IMMP2L: variants seen among roughly 807,000 people sequenced by gnomAD.
IMMP2L encodes the protein mitochondrial inner membrane protease subunit 2.
A neutral mutation model predicts 19.3 loss-of-function variants in IMMP2L; 18 were observed. The ratio of observed to expected loss-of-function variants is 0.93; its 90% CI spans 0.64 to 1.38. The LOEUF is 1.38. Ranked by LOEUF, IMMP2L falls within the 40% of genes most tolerant of loss-of-function variation. The pLI, the probability that IMMP2L is intolerant of heterozygous loss-of-function variation, is 0.00. For synonymous variants in IMMP2L, 76 were observed against 73.0 expected (o/e 1.04, Z -0.21); for missense variants, 233 against 218.2 (o/e 1.07, Z -0.43).
At chr7:111,529,045 G>C (rs960913730) in intron 1 of IMMP2L, among the ~76,000 whole-genome samples, 1 of 152,148 alleles carries the variant, frequency 6.6e-6, no homozygotes, top group Non-Finnish European at 1.5e-5. Context: ...TCTCCACGTA[G>C]AGTTTGCATT....
rs546839575 is a variant in IMMP2L, at chr7:110,777,061, T to C, written c.408+109532A>G. Among the ~76,000 whole-genome samples, 46 of 152,096 alleles carry C rather than the reference T, an allele frequency of 3.0e-4. No individual in the cohort carries two copies. In the South Asian group the frequency reaches 8.9e-3, roughly 29 times the overall value. On this transcript the variant is annotated intron_variant, in intron 5 of 5. Coordinates refer to ENST00000405709, the MANE Select transcript of IMMP2L (RefSeq NM_032549.4). ...TTTGACAGCAGCTCTGTGTTAAACA[T>C]AAGGAAGGTGTGGGAGGATAAAAGT...
chr7:110,996,374 C>T (rs763081003), intron 3 of IMMP2L, among the ~76,000 whole-genome samples: 1 of 151,866 alleles, frequency 6.6e-6, no homozygotes, highest in African/African-American at 2.4e-5. Flanking sequence ...GCAGAGAGAA[C>T]GAGAGGGGGG....
intron 5 of IMMP2L, among the ~76,000 whole-genome samples, chr7:110,669,085 G>GTATATATATA (rs1791696382): frequency 9.6e-6 from 1 of 103,788 alleles, no homozygotes; most frequent in Non-Finnish European, 1.8e-5. Context: ...GTGTGTGTGT[G>GTATATATATA]TGTGTATATG....
intron 3 of IMMP2L, among the ~76,000 whole-genome samples, chr7:111,412,375 G>A (rs1325454265): frequency 4.0e-5 from 6 of 151,662 alleles, no homozygotes; most frequent in African/African-American, 9.7e-5. Context: ...GCTAATGCAC[G>A]TAAAAAAATT....
At chr7:111,314,941 C>A (rs1823893910) in intron 3 of IMMP2L, among the ~76,000 whole-genome samples, 1 of 151,898 alleles carries the variant, frequency 6.6e-6, no homozygotes, top group Non-Finnish European at 1.5e-5. Flanking sequence ...GAAAATCTAC[C>A]CTTTTAATAT....
intron 3 of IMMP2L, among the ~76,000 whole-genome samples, chr7:111,005,299 A>C (rs1332918071): frequency 6.6e-6 from 1 of 152,196 alleles, no homozygotes; most frequent in Admixed American, 6.6e-5. Flanking sequence ...CTATAGGAGA[A>C]AATAATAGAA....
chr7:111,369,804 T>C (rs1402860954), intron 3 of IMMP2L, among the ~76,000 whole-genome samples: 1 of 151,954 alleles, frequency 6.6e-6, no homozygotes, highest in African/African-American at 2.4e-5. Flanking sequence ...AGATATACTA[T>C]TTGTTACCAC....
At chr7:111,026,591 A>G (rs1333606720) in intron 3 of IMMP2L, among the ~76,000 whole-genome samples, 1 of 152,144 alleles carries the variant, frequency 6.6e-6, no homozygotes, top group Non-Finnish European at 1.5e-5. Context: ...TCCAACACCA[A>G]TGTACTTGAA....
intron 3 of IMMP2L, among the ~76,000 whole-genome samples, chr7:111,486,225 G>C (rs1025127972): frequency 2.0e-5 from 3 of 152,142 alleles, no homozygotes; most frequent in African/African-American, 7.2e-5. Flanking sequence ...TGGTTAATAT[G>C]TTTTCAAATG....
At chr7:111,319,472 T>A (rs1466718895) in intron 3 of IMMP2L, among the ~76,000 whole-genome samples, 2 of 152,144 alleles carry the variant, frequency 1.3e-5, no homozygotes, top group East Asian at 3.9e-4. Flanking sequence ...GCTGGTGAGA[T>A]GGTGGGAAGA....
rs527881541 is a variant in IMMP2L, at chr7:111,218,002, G to A, written c.240-254437C>T. On this transcript the variant is annotated intron_variant, in intron 3 of 5. Coordinates refer to ENST00000405709, the MANE Select transcript of IMMP2L (RefSeq NM_032549.4). ...TTTTCTTTTCAAAATAATGAGCTAC[G>A]GAAAATGCTATTGCCTTTTTGTGCT... 2.6e-5 allele frequency among the ~76,000 whole-genome samples: 4 copies of A among 152,000 alleles called. No homozygotes were observed. In the South Asian group the frequency reaches 6.2e-4, roughly 24 times the overall value.
chr7:111,094,547 A>G (rs1797205806), intron 3 of IMMP2L, among the ~76,000 whole-genome samples: 1 of 152,248 alleles, frequency 6.6e-6, no homozygotes, highest in Middle Eastern at 3.4e-3. Context: ...ATGAAACTAA[A>G]TAAAGCAGGT....
At chr7:110,834,821 T>C (rs1245337498) in intron 5 of IMMP2L, among the ~76,000 whole-genome samples, 1 of 152,194 alleles carries the variant, frequency 6.6e-6, no homozygotes, top group Non-Finnish European at 1.5e-5. Flanking sequence ...GAGATTACAG[T>C]TGGCAGTAGT....
chr7:111,321,377 A>G (rs2130496735), intron 3 of IMMP2L, among the ~76,000 whole-genome samples: 1 of 152,114 alleles, frequency 6.6e-6, no homozygotes, highest in African/African-American at 2.4e-5. Flanking sequence ...AAATGACAAT[A>G]ATTATAAAGA....
intron 2 of IMMP2L, among the ~76,000 whole-genome samples, chr7:111,498,066 T>G (rs1843762305): frequency 6.6e-6 from 1 of 152,010 alleles, no homozygotes; most frequent in Non-Finnish European, 1.5e-5. Flanking sequence ...CATCTGATTT[T>G]TATATCCTCT....
At chr7:111,322,188 T>G (rs1199587575) in intron 3 of IMMP2L, among the ~76,000 whole-genome samples, 1 of 151,940 alleles carries the variant, frequency 6.6e-6, no homozygotes, top group Non-Finnish European at 1.5e-5. Flanking sequence ...ACATAGCCAC[T>G]ATAAGACTTG....
At position 111,123,286 on chromosome 7, in the gene IMMP2L, A is replaced by C; in HGVS notation, c.240-159721T>G. The C allele has an allele frequency of 1.2e-6, 2 of 1,613,782 alleles. No individual in the cohort carries two copies. The highest frequency in any genetic ancestry group is 1.7e-6 in the Non-Finnish European group (2 of 1,179,902). ...ACATAATCTTCTTCGACTTCATCTC[A>C]ATTCAAATAGATTGCAGATGATCAA... On this transcript the variant is annotated intron_variant, in intron 3 of 5. Transcript: ENST00000405709. The surrounding 1 kb of genome is among the most constrained non-coding windows in gnomAD (Gnocchi z 6.4).
chr7:110,947,083 T>C (rs1420761729), intron 4 of IMMP2L, among the ~76,000 whole-genome samples: 1 of 152,146 alleles, frequency 6.6e-6, no homozygotes, highest in East Asian at 1.9e-4. Context: ...AAAAGGATAA[T>C]AAATGCATAA....
chr7:111,411,284 T>C, intron 3 of IMMP2L: 1 of 206,864 alleles, frequency 4.8e-6, no homozygotes. Flanking sequence ...AGATCAAATA[T>C]TTTTCAAAAA....
Sources: gnomAD v4.1 joint callset for allele counts (sites outside exome capture counted in the v4.1 genomes callset) on GRCh38, gnomAD v4.1.1 for gene constraint, Gnocchi (gnomAD v3.1) non-coding constraint, MANE v1.5 for transcripts, NCBI Gene and HGNC (gene_info 2026-07-23, HGNC 2026-07-21) for gene names.